The following IMPG1 variants were observed in gnomAD, a reference collection of about 807,000 sequenced individuals.
IMPG1 encodes the protein interphotoreceptor matrix proteoglycan of 150 kDa.
In IMPG1, 85 loss-of-function variants were observed where a neutral mutation model predicts 92.0. The observed-to-expected ratio is 0.92, with a 90% confidence interval of 0.78 to 1.11. The LOEUF (loss-of-function observed/expected upper bound fraction) is 1.11, where lower values mean the gene tolerates loss of function less well. Among genes scored for constraint, IMPG1 ranks in the 50% least tolerant of loss-of-function variants. The probability of loss-of-function intolerance (pLI) is 0.00; values close to 1 mark genes in which losing one functional copy is unlikely to be tolerated. For missense variants in IMPG1, 1,022 were observed against 956.0 expected (o/e 1.07, Z -0.91); for synonymous variants, 367 against 334.1 (o/e 1.10, Z -1.08).
At chr6:76,008,432 T>C (rs1783131281) in intron 8 of IMPG1, among the ~76,000 whole-genome samples, 1 of 152,218 alleles carries the variant, frequency 6.6e-6, no homozygotes, top group Non-Finnish European at 1.5e-5. Flanking sequence ...ATTGGGGTTG[T>C]TGCCCTTTCT....
At chr6:75,971,702 A>G (rs541908832) in intron 12 of IMPG1, among the ~76,000 whole-genome samples, 1 of 152,292 alleles carries the variant, frequency 6.6e-6, no homozygotes, top group South Asian at 2.1e-4. Flanking sequence ...TATCTAGTGC[A>G]CCTTCCAGGC....
At chr6:75,966,809 A>G (rs1428515933) in intron 12 of IMPG1, among the ~76,000 whole-genome samples, 1 of 152,228 alleles carries the variant, frequency 6.6e-6, no homozygotes, top group Non-Finnish European at 1.5e-5. Context: ...GTGTCCTTCA[A>G]TAAGACAACA....
At chr6:76,047,285 ACTTTT>A (rs1183431795) in intron 1 of IMPG1, among the ~76,000 whole-genome samples, 6 of 151,838 alleles carry the variant, frequency 4.0e-5, no homozygotes, top group Non-Finnish European at 7.4e-5. Flanking sequence ...TTGTTTTCCT[ACTTTT>A]CTTTTAAGAG....
chr6:76,008,975 A>G (rs981960556), intron 8 of IMPG1, among the ~76,000 whole-genome samples: 38 of 152,146 alleles, frequency 2.5e-4, no homozygotes, highest in Non-Finnish European at 8.8e-5. Flanking sequence ...TAAAATCATG[A>G]TGTACTTTTG....
intron 2 of IMPG1, among the ~76,000 whole-genome samples, chr6:76,038,302 G>C (rs959699354): frequency 2.6e-5 from 4 of 152,206 alleles, no homozygotes; most frequent in Non-Finnish European, 4.4e-5. Flanking sequence ...CTTCTTTCTA[G>C]AGCATAATGT....
Position 76,042,011 on chromosome 6 carries a change from G to C in IMPG1, c.183C>G (p.Phe61Leu). 3 of 1,613,086 alleles carry C rather than the reference G, an allele frequency of 1.9e-6. No homozygotes were observed. The highest frequency in any genetic ancestry group is 2.5e-6 in the Non-Finnish European group (3 of 1,179,116). Reference protein sequence around the residue: ...MYKMSTMRRIFDLAKHRTKRS... With the variant: ...MYKMSTMRRILDLAKHRTKRS... ...TTTTTGTTCGATGCTTTGCCAAATC[G>C]AATATTCGTCTCATAGTTGACATTT... is the stretch of plus-strand genomic sequence containing the variant. The change falls in exon 2 of 17, where the codon TTC becomes TTG. Residue 61 changes from phenylalanine to leucine, a missense_variant. Phe to Leu is a conservative substitution (Grantham distance 22, BLOSUM62 0). Transcript: ENST00000369950.
chr6:75,961,386 A>T (rs1782210388), intron 12 of IMPG1, among the ~76,000 whole-genome samples: 1 of 152,220 alleles, frequency 6.6e-6, no homozygotes, highest in Non-Finnish European at 1.5e-5. Flanking sequence ...ATAGAGATAG[A>T]AAATGTTAAT....
At chr6:75,939,882 G>C (rs556382032) in intron 14 of IMPG1, among the ~76,000 whole-genome samples, 22 of 152,194 alleles carry the variant, frequency 1.4e-4, no homozygotes, top group African/African-American at 5.3e-4. Context: ...CTGTGCTGAC[G>C]TTGTCCGTTT....
In IMPG1 at chr6:76,018,866, T is replaced by TTA; in HGVS notation, c.667-9_667-8insTA. Reference sequence around the variant, plus strand: ...GAATTCTGTTTCTCTTTCCTGAGTTTAAAAAAAAAAAAAAGGACTTCTGTT... The same window carrying TTA: ...GAATTCTGTTTCTCTTTCCTGAGTTTTAAAAAAAAAAAAAAAGGACTTCTGTT... On this transcript the variant is annotated splice_polypyrimidine_tract_variant and intron_variant, in intron 6 of 16. Coordinates refer to ENST00000369950, the MANE Select transcript of IMPG1 (RefSeq NM_001563.4). 1 of 1,463,334 alleles carries TTA rather than the reference T, an allele frequency of 6.8e-7. No individual in the cohort carries two copies. Among genetic ancestry groups the TTA allele is most frequent in the Non-Finnish European group, 9.2e-7 (1 of 1,088,966 alleles). The allele number at this position is 1,463,334 out of a possible 1,614,324, so 90.6% of individuals were successfully genotyped here. A position where few individuals can be genotyped will look rare whatever the true frequency, so the allele number is the denominator to read the frequency against.
intron 12 of IMPG1, among the ~76,000 whole-genome samples, chr6:75,999,651 A>T (rs772824898): frequency 4.6e-5 from 7 of 151,956 alleles, no homozygotes; most frequent in African/African-American, 1.5e-4. Flanking sequence ...TCCATTTTTC[A>T]TTAAGATATG....
At chr6:76,043,446 T>C (rs1350853786) in intron 1 of IMPG1, among the ~76,000 whole-genome samples, 1 of 150,818 alleles carries the variant, frequency 6.6e-6, no homozygotes, top group African/African-American at 2.4e-5. Flanking sequence ...TGGGAACACA[T>C]ATTCCTGTCA....
chr6:75,955,783 T>G (rs954223695), intron 12 of IMPG1, among the ~76,000 whole-genome samples: 12 of 152,244 alleles, frequency 7.9e-5, no homozygotes, highest in African/African-American at 2.7e-4. Context: ...CATTAACACC[T>G]AATTTATTGA....
intron 12 of IMPG1, among the ~76,000 whole-genome samples, chr6:75,958,103 T>C (rs1430372204): frequency 2.0e-5 from 3 of 152,220 alleles, no homozygotes; most frequent in South Asian, 4.1e-4. Context: ...ACAAAATCTC[T>C]CAATATTTGC....
chr6:75,965,829 G>C (rs550621316), intron 12 of IMPG1, among the ~76,000 whole-genome samples: 33 of 152,008 alleles, frequency 2.2e-4, no homozygotes, highest in African/African-American at 5.3e-4. Flanking sequence ...GGATGGTCTC[G>C]ATCTCCTGAC....
intron 14 of IMPG1, 91 bp downstream of exon 14, chr6:75,947,223 G>T: frequency 1.1e-6 from 1 of 944,258 alleles, no homozygotes; most frequent in Non-Finnish European, 1.6e-6. Flanking sequence ...GATTTTTGTG[G>T]CCTAAAGATT....
chr6:75,930,775 G>A (rs1388081515), intron 15 of IMPG1, among the ~76,000 whole-genome samples, 178 bp downstream of exon 15: 2 of 152,186 alleles, frequency 1.3e-5, no homozygotes, highest in Non-Finnish European at 2.9e-5. Context: ...ATCAGAAACA[G>A]GGCATAGTAG....
At chr6:75,982,590 T>C (rs1300567800) in intron 12 of IMPG1, among the ~76,000 whole-genome samples, 2 of 149,982 alleles carry the variant, frequency 1.3e-5, no homozygotes, top group African/African-American at 5.0e-5. Flanking sequence ...TATATAGATA[T>C]ATATATGTGT....
At chr6:76,025,010 T>C (rs775972155) in intron 5 of IMPG1, 184 bp downstream of exon 5, 1 of 628,638 alleles carries the variant, frequency 1.6e-6, no homozygotes, top group Non-Finnish European at 2.9e-6. Context: ...ACCTTTATTC[T>C]TTTCTGTATT....
chr6:75,989,602 G>A (rs1003621054), intron 12 of IMPG1, among the ~76,000 whole-genome samples: 1 of 152,166 alleles, frequency 6.6e-6, no homozygotes, highest in Non-Finnish European at 1.5e-5. Flanking sequence ...CAGCCCTTTG[G>A]GAGACTGAGG....
Sources: gnomAD v4.1 joint callset for allele counts (sites outside exome capture counted in the v4.1 genomes callset) on GRCh38, gnomAD v4.1.1 for gene constraint, MANE v1.5 for transcripts, NCBI Gene and HGNC (gene_info 2026-07-23, HGNC 2026-07-21) for gene names.